The following ACSL6 variants were observed in gnomAD, a reference collection of about 807,000 sequenced individuals.
ACSL6 encodes the protein long-chain-fatty-acid--CoA ligase 6.
Under a neutral mutation model 98.2 loss-of-function variants are expected in ACSL6, and 47 were observed. The observed-to-expected ratio is 0.48, with a 90% CI of 0.38 to 0.61. The LOEUF (loss-of-function observed/expected upper bound fraction) is 0.61, where lower values mean the gene tolerates loss of function less well. Ranked by LOEUF, ACSL6 falls within the 20% of genes least tolerant of loss-of-function variation. The pLI, the probability that ACSL6 is intolerant of heterozygous loss-of-function variation, is 0.00. For missense variants in ACSL6, 761 were observed against 913.4 expected (o/e 0.83, Z 2.15); for synonymous variants, 362 against 336.9 (o/e 1.07, Z -0.82).
Position 131,953,506 on chromosome 5 carries a change from G to A in ACSL6, c.*728C>T, listed in dbSNP as rs988244177. 2.1e-4 allele frequency: 39 copies of A among 190,030 alleles called. No homozygotes were observed. The highest frequency in any genetic ancestry group is 8.6e-4 in the Admixed American group (14 of 16,224). 11.8% of individuals were successfully genotyped at this position (190,030 alleles called of 1,614,324 possible). On this transcript the variant is annotated 3_prime_UTR_variant, in exon 21 of 21. Transcript: ENST00000651883. ...CTGTAGTCTCAGCTACTTGGGAGGTGAGACAGGAGGATCACTCGAGCCCAG... is the reference window on the plus strand; with the variant it reads ...CTGTAGTCTCAGCTACTTGGGAGGTAAGACAGGAGGATCACTCGAGCCCAG...
Position 131,953,724 on chromosome 5 carries a change from C to CGTAG in ACSL6, c.*506_*509dup, listed in dbSNP as rs1752260178. ...GTCATGTTTAAAGACTCTGAAGTTA[C>CGTAG]GTAGACTATGAGTTATCATGTTTTC... On this transcript the variant is annotated 3_prime_UTR_variant, in exon 21 of 21. Coordinates refer to ENST00000651883, the MANE Select transcript of ACSL6 (RefSeq NM_001009185.3). 5.2e-6 allele frequency: 1 copy of CGTAG among 192,736 alleles called. No individual in the cohort carries two copies. The highest frequency in any genetic ancestry group is 1.1e-5 in the Non-Finnish European group (1 of 92,098). The allele number at this position is 192,736 out of a possible 1,614,324, so 11.9% of individuals were successfully genotyped here. A position where few individuals can be genotyped will look rare whatever the true frequency, so the allele number is the denominator to read the frequency against.
In ACSL6 at chr5:131,973,423, G is replaced by A. The variant is rs187179519; in HGVS notation, c.1069-23C>T. The stretch of plus-strand genomic sequence containing the variant: ...AGACTAGAAAGACAGGACAGGAAGG[G>A]AGGAGTCCCTTAGGGTGGTCACTAC... On this transcript the variant is annotated intron_variant, in intron 11 of 20. Coordinates refer to ENST00000651883, the MANE Select transcript of ACSL6 (RefSeq NM_001009185.3). The A allele has an allele frequency of 4.0e-5, 64 of 1,612,772 alleles. No homozygotes were observed. The Middle Eastern group carries it at 6.6e-4, about 17-fold the overall frequency.
rs1432736544 is a variant in ACSL6, at chr5:132,011,273, C to G, written c.49+232G>C. Among the ~76,000 whole-genome samples the G allele has an allele frequency of 6.6e-6, 1 of 152,152 alleles. No homozygotes were observed. The highest frequency in any genetic ancestry group is 1.5e-5 in the Non-Finnish European group (1 of 68,016). Reference sequence around the variant, plus strand: ...GGGTTTGTGGTGGGGTCGCAGAGAGCAAGCCCTATATCTCCCTCCGCAGAC... The same window carrying G: ...GGGTTTGTGGTGGGGTCGCAGAGAGGAAGCCCTATATCTCCCTCCGCAGAC... On this transcript the variant is annotated intron_variant, in intron 1 of 20. Transcript: ENST00000651883. The surrounding 1 kb of genome is among the most constrained non-coding windows in gnomAD (Gnocchi z 5.4).
At chr5:131,975,331 G>A in intron 10 of ACSL6, 4 of 985,374 alleles carry the variant, frequency 4.1e-6, no homozygotes, top group Non-Finnish European at 4.8e-6. Flanking sequence ...CTGAGGGCCT[G>A]CCCCTCACTT....
chr5:131,950,911 A>G lies in ACSL6; in HGVS notation c.*3323T>C, dbSNP rs1415566649. 5.3e-6 allele frequency: 1 copy of G among 190,132 alleles called. No homozygotes were observed. Among genetic ancestry groups the G allele is most frequent in the Non-Finnish European group, 1.1e-5 (1 of 90,586 alleles). 11.8% of individuals were successfully genotyped at this position (190,132 alleles called of 1,614,324 possible). ...TGTAGAATGAAAGCATGACTTGCAT[A>G]AATGAAGGAGACATAAAATGTTTAA... On this transcript the variant is annotated 3_prime_UTR_variant, in exon 21 of 21. Coordinates refer to ENST00000651883, the MANE Select transcript of ACSL6 (RefSeq NM_001009185.3).
intron 11 of ACSL6, chr5:131,974,151 C>G (rs141931808): frequency 1.3e-5 from 2 of 152,676 alleles, no homozygotes; most frequent in Non-Finnish European, 2.9e-5. Context: ...CATAAGACCT[C>G]CCCCAAGGCA....
rs1752997988 is a variant in ACSL6, at chr5:131,966,099, CCCTGTTCCT to C, written c.1713+308_1713+316del. On this transcript the variant is annotated intron_variant, in intron 17 of 20. Coordinates refer to ENST00000651883, the MANE Select transcript of ACSL6 (RefSeq NM_001009185.3). ...CTCAGACGTCCTAGAGACATGTACC[CCCTGTTCCT>C]CCTACTTCACATCAGATTCCACACA... is the stretch of plus-strand genomic sequence containing the variant. Among the ~76,000 whole-genome samples, 5 of 152,172 alleles carry C rather than the reference CCCTGTTCCT, an allele frequency of 3.3e-5. 1 individual carries two copies. In the South Asian group the frequency reaches 1.0e-3, roughly 31 times the overall value.
intron 1 of ACSL6, among the ~76,000 whole-genome samples, chr5:132,008,616 CCTT>C (rs1427168276): frequency 6.6e-6 from 1 of 152,214 alleles, no homozygotes; most frequent in Non-Finnish European, 1.5e-5. Flanking sequence ...CCAAATAAAA[CCTT>C]CTCCAGAATC....
In ACSL6 at chr5:131,951,762, T is replaced by A. The variant is rs1300098408; in HGVS notation, c.*2472A>T. 3.1e-5 allele frequency: 5 copies of A among 161,470 alleles called. No individual in the cohort carries two copies. The highest frequency in any genetic ancestry group is 1.4e-5 in the Non-Finnish European group (1 of 73,638). 10.0% of individuals were successfully genotyped at this position (161,470 alleles called of 1,614,324 possible). A position where few individuals can be genotyped will look rare whatever the true frequency, so the allele number is the denominator to read the frequency against. ...CACAACGCCCGGCTAATTTTTTGTATTTTTTTAGTAGAGACGGGGTTTCAC... is the reference window on the plus strand; with the variant it reads ...CACAACGCCCGGCTAATTTTTTGTAATTTTTTAGTAGAGACGGGGTTTCAC... On this transcript the variant is annotated 3_prime_UTR_variant, in exon 21 of 21. Transcript: ENST00000651883.
upstream of ACSL6, chr5:132,011,699 C>T: frequency 7.9e-7 from 1 of 1,270,348 alleles, no homozygotes; most frequent in Non-Finnish European, 9.9e-7. The surrounding 1 kb of genome is among the most constrained non-coding windows in gnomAD (Gnocchi z 5.4). Flanking sequence ...CCCGCAGCTC[C>T]CGCCTCCCCG....
At chr5:131,962,889 C>CG (rs1374383014) in intron 17 of ACSL6, among the ~76,000 whole-genome samples, 1 of 152,056 alleles carries the variant, frequency 6.6e-6, no homozygotes, top group Non-Finnish European at 1.5e-5. Flanking sequence ...TCTGCTGGGC[C>CG]GTGAGCATCC....
intron 17 of ACSL6, among the ~76,000 whole-genome samples, chr5:131,964,922 G>A (rs531676201): frequency 2.6e-5 from 4 of 152,314 alleles, no homozygotes; most frequent in Admixed American, 6.5e-5. Context: ...GTAGGTGCCT[G>A]TCCTCCTCTG....
At chr5:131,990,059 T>C (rs778129207) in intron 4 of ACSL6, 41 bp downstream of exon 4, 2 of 1,606,640 alleles carry the variant, frequency 1.2e-6, no homozygotes, top group Non-Finnish European at 1.7e-6. Flanking sequence ...GTGCCAGATC[T>C]GAATGGGTGG....
intron 1 of ACSL6, among the ~76,000 whole-genome samples, chr5:132,004,723 G>A (rs1755294227): frequency 1.3e-5 from 2 of 152,178 alleles, no homozygotes; most frequent in African/African-American, 2.4e-5. Context: ...CAAGGAGATC[G>A]GGGACACATG....
At chr5:131,964,106 A>G (rs1360649379) in intron 17 of ACSL6, among the ~76,000 whole-genome samples, 2 of 152,236 alleles carry the variant, frequency 1.3e-5, no homozygotes, top group South Asian at 4.1e-4. Context: ...TCAAGAATGA[A>G]TCATTCAAAG....
At position 131,950,563 on chromosome 5, in the gene ACSL6, T is replaced by C. The variant is rs1445167971; in HGVS notation, c.*3671A>G. 5.0e-6 allele frequency: 1 copy of C among 198,822 alleles called. No homozygotes were observed. The highest frequency in any genetic ancestry group is 1.0e-5 in the Non-Finnish European group (1 of 96,298). The allele number at this position is 198,822 out of a possible 1,614,324, so 12.3% of individuals were successfully genotyped here. ...CAATTTATAGTTTACCAATTTTATA[T>C]ACGGTTATTCATTCTTTTTTTCCTG... On this transcript the variant is annotated 3_prime_UTR_variant, in exon 21 of 21. Transcript: ENST00000651883.
intron 17 of ACSL6, among the ~76,000 whole-genome samples, chr5:131,963,881 G>A (rs73786715): frequency 0.026 from 4,024 of 152,216 alleles, 188 homozygotes; most frequent in African/African-American, 0.091. Flanking sequence ...CATTAGCTGG[G>A]TGTTGTCACC....
In ACSL6 at chr5:132,011,619, G is replaced by T; in HGVS notation, c.-66C>A. The T allele has an allele frequency of 1.5e-6, 2 of 1,353,134 alleles. No individual in the cohort carries two copies. The highest frequency in any genetic ancestry group is 6.3e-5 in the East Asian group (2 of 31,988). 83.8% of individuals were successfully genotyped at this position (1,353,134 alleles called of 1,614,324 possible). A position where few individuals can be genotyped will look rare whatever the true frequency, so the allele number is the denominator to read the frequency against. On this transcript the variant is annotated 5_prime_UTR_variant, in exon 1 of 21. The change creates a new upstream start codon in the 5' untranslated region. Transcript: ENST00000651883. This position sits in a 1 kb window ranked among gnomAD's most constrained non-coding sequence, Gnocchi z 5.4. ...CGACCCGCAGCCCCGCAGCCCCGCA[G>T]CCCAGCAGCCCCAGCAGTAGCCGCG... is the stretch of plus-strand genomic sequence containing the variant.
chr5:131,959,638 G>C (rs376958633), intron 19 of ACSL6, 31 bp from the exon 20 acceptor site: 166 of 1,598,896 alleles, frequency 1.0e-4, no homozygotes, highest in Non-Finnish European at 2.7e-5. Context: ...AAAATTACAA[G>C]ACAAGAACAC....
Sources: allele counts gnomAD v4.1 joint callset (sites outside exome capture counted in the v4.1 genomes callset), GRCh38; gene constraint gnomAD v4.1.1; non-coding constraint Gnocchi (gnomAD v3.1); transcripts MANE v1.5; gene names NCBI Gene and HGNC (gene_info 2026-07-23, HGNC 2026-07-21).